The following PTPA variants were observed in gnomAD, a reference collection of about 807,000 sequenced individuals.
The protein encoded by PTPA is protein phosphatase 2 phosphatase activator.
Under a neutral mutation model 43.6 loss-of-function variants are expected in PTPA, and 13 were observed. The observed-to-expected ratio is 0.30, with a 90% confidence interval of 0.19 to 0.47. The LOEUF is 0.47. Ranked by LOEUF, PTPA falls within the 20% of genes least tolerant of loss-of-function variation. The pLI is 0.99. For missense variants in PTPA, 329 were observed against 411.9 expected (o/e 0.80, Z 1.74); for synonymous variants, 172 against 158.2 (o/e 1.09, Z -0.66).
chr9:129,112,049 T>G (rs1588474705), intron 1 of PTPA: 1 of 175,122 alleles, frequency 5.7e-6, no homozygotes, highest in African/African-American at 2.4e-5. Context: ...GGGGATGGGG[T>G]GGTGCTCCGT....
At chr9:129,128,720 A>G (rs1849750231) in intron 3 of PTPA, among the ~76,000 whole-genome samples, 1 of 152,190 alleles carries the variant, frequency 6.6e-6, no homozygotes, top group African/African-American at 2.4e-5. Flanking sequence ...GCAGCAGCCC[A>G]TGGGTAGGCT....
Position 129,147,465 on chromosome 9 carries a change from G to A in PTPA, c.*1G>A. 6.2e-7 allele frequency: 1 copy of A among 1,613,520 alleles called. No homozygotes were observed. Among genetic ancestry groups the A allele is most frequent in the Non-Finnish European group, 8.5e-7 (1 of 1,179,932 alleles). On this transcript the variant is annotated 3_prime_UTR_variant, in exon 10 of 10. Transcript: ENST00000393370. ...CATCCATCCTGTCACGTCGGGCTAGGAGGGGCCAAGCCGAAGAGCCACCCA... is the reference window on the plus strand; with the variant it reads ...CATCCATCCTGTCACGTCGGGCTAGAAGGGGCCAAGCCGAAGAGCCACCCA...
chr9:129,145,320 C>A (rs527436781), intron 9 of PTPA, among the ~76,000 whole-genome samples: 3 of 150,590 alleles, frequency 2.0e-5, no homozygotes, highest in Non-Finnish European at 4.4e-5. Flanking sequence ...AACAGCGAGA[C>A]TCCATCTCAG....
At chr9:129,137,752 C>G (rs995096826) in intron 8 of PTPA, 60 bp downstream of exon 8, 1 of 1,434,170 alleles carries the variant, frequency 7.0e-7, no homozygotes, top group African/African-American at 1.4e-5. Flanking sequence ...TGAACCAAGG[C>G]TGGTGGCCTT....
At chr9:129,111,320 G>T, upstream of PTPA, 6 of 1,139,920 alleles carry the variant, frequency 5.3e-6, no homozygotes, top group Admixed American at 1.0e-4. Flanking sequence ...TGGCGCGCAT[G>T]CGCCCCGCGC....
intron 1 of PTPA, among the ~76,000 whole-genome samples, chr9:129,114,792 G>A (rs899068555): frequency 9.9e-5 from 15 of 152,218 alleles, no homozygotes; most frequent in Non-Finnish European, 1.9e-4. Flanking sequence ...TGGAGAGACT[G>A]TGGGCGTGAC....
At chr9:129,115,570 G>A (rs919346657) in intron 1 of PTPA, among the ~76,000 whole-genome samples, 1 of 152,140 alleles carries the variant, frequency 6.6e-6, no homozygotes, top group South Asian at 2.1e-4. Flanking sequence ...AGGAAGGCAG[G>A]GGGACAAATT....
chr9:129,116,586 C>T (rs1196514437), intron 1 of PTPA, among the ~76,000 whole-genome samples: 2 of 152,072 alleles, frequency 1.3e-5, no homozygotes, highest in African/African-American at 2.4e-5. Flanking sequence ...GGGGTTTCAC[C>T]GTGTTAGCCA....
chr9:129,124,756 A>G (rs1849469817), intron 3 of PTPA, among the ~76,000 whole-genome samples: 1 of 152,126 alleles, frequency 6.6e-6, no homozygotes. Context: ...GCCTCCCTTT[A>G]CTTTGGCCTA....
At chr9:129,141,387 C>CT (rs1245479796) in intron 8 of PTPA, among the ~76,000 whole-genome samples, 1 of 152,166 alleles carries the variant, frequency 6.6e-6, no homozygotes, top group African/African-American at 2.4e-5. Context: ...TTCCAAGTCT[C>CT]TGTTTCTTTG....
chr9:129,132,667 G>A (rs1210468781), intron 5 of PTPA, among the ~76,000 whole-genome samples: 2 of 152,184 alleles, frequency 1.3e-5, no homozygotes, highest in Admixed American at 1.3e-4. Flanking sequence ...GTTTTTGGTA[G>A]AGACAGGGTT....
At chr9:129,135,513 A>G (rs1459017546) in intron 6 of PTPA, among the ~76,000 whole-genome samples, 3 of 152,266 alleles carry the variant, frequency 2.0e-5, no homozygotes, top group African/African-American at 4.8e-5. Context: ...CCTATGAAAT[A>G]GCAACTGTTA....
intron 5 of PTPA, 61 bp from the exon 6 acceptor site, chr9:129,134,734 C>CT: frequency 1.4e-6 from 2 of 1,395,270 alleles, no homozygotes; most frequent in Non-Finnish European, 2.0e-6. Flanking sequence ...TTCTGGGAGA[C>CT]TAAAACAATC....
At chr9:129,132,299 T>G (rs1850030135) in intron 5 of PTPA, among the ~76,000 whole-genome samples, 2 of 152,118 alleles carry the variant, frequency 1.3e-5, no homozygotes, top group African/African-American at 4.8e-5. Context: ...CTCCATCTCT[T>G]TTTTAAAAAT....
rs772493529 is a variant in PTPA at position 129,129,011 on chromosome 9, C to T, written c.243C>T (p.Leu81=). The stretch of plus-strand genomic sequence containing the variant: ...CCATTGAGAAACTAGTCGCTCTTCT[C>T]AACACGCTGGACAGGTGGATTGATG... ...SEAIEKLVAL[L]NTLDRWIDET... Residue 81 remains leucine, a synonymous_variant, in exon 4 of 10, where the codon CTC becomes CTT. Coordinates refer to ENST00000393370, the MANE Select transcript of PTPA (RefSeq NM_178000.3). 1.1e-5 allele frequency: 17 copies of T among 1,613,166 alleles called. No individual in the cohort carries two copies. In the South Asian group the frequency reaches 1.6e-4, roughly 16 times the overall value.
chr9:129,114,115 G>A (rs778609110), intron 1 of PTPA, among the ~76,000 whole-genome samples: 8 of 152,144 alleles, frequency 5.3e-5, no homozygotes, highest in African/African-American at 1.4e-4. Flanking sequence ...TGCAACCTCC[G>A]CCTCCTGAGT....
chr9:129,116,945 G>A (rs1000509287), intron 1 of PTPA, among the ~76,000 whole-genome samples: 5 of 152,300 alleles, frequency 3.3e-5, no homozygotes, highest in African/African-American at 7.2e-5. Flanking sequence ...GGGATTACAA[G>A]TGTTAGCCAC....
At chr9:129,129,220 C>T in intron 4 of PTPA, 110 bp downstream of exon 4, 1 of 1,411,964 alleles carries the variant, frequency 7.1e-7, no homozygotes, top group Non-Finnish European at 9.5e-7. Flanking sequence ...ATACAAATCT[C>T]AGTTTGTTAA....
At chr9:129,138,429 C>T (rs957345412) in intron 8 of PTPA, among the ~76,000 whole-genome samples, 1 of 152,220 alleles carries the variant, frequency 6.6e-6, no homozygotes, top group Non-Finnish European at 1.5e-5. Flanking sequence ...TCTAAACACA[C>T]GTGCCAGGCG....
Sources: allele counts gnomAD v4.1 joint callset (sites outside exome capture counted in the v4.1 genomes callset), GRCh38; gene constraint gnomAD v4.1.1; transcripts MANE v1.5; gene names NCBI Gene and HGNC (gene_info 2026-07-23, HGNC 2026-07-21).